AHR: variants seen among roughly 807,000 people sequenced by gnomAD.
The protein encoded by AHR is AH-receptor.
A neutral mutation model predicts 86.8 loss-of-function variants in AHR; 40 were observed. That is an observed-to-expected ratio of 0.46 (90% CI 0.36 to 0.60). The LOEUF (loss-of-function observed/expected upper bound fraction) is 0.60. Ranked by LOEUF, AHR falls within the 20% of genes least tolerant of loss-of-function variation. AHR has a pLI of 0.00. For missense variants in AHR, 1,001 were observed against 1,011.6 expected (o/e 0.99, Z 0.14); for synonymous variants, 398 against 354.9 (o/e 1.12, Z -1.37).
chr7:17,327,876 T>A (rs777896777), intron 4 of AHR, 28 bp downstream of exon 4: 4 of 999,976 alleles, frequency 4.0e-6, no homozygotes, highest in Non-Finnish European at 5.4e-6. Flanking sequence ...ATATCATTTA[T>A]ATTATTATAT....
chr7:17,337,600 A>G (rs1400885334), intron 9 of AHR, among the ~76,000 whole-genome samples: 4 of 148,276 alleles, frequency 2.7e-5, no homozygotes, highest in Admixed American at 1.4e-4. Context: ...TCAGCCTCCC[A>G]AGTAGCTGGG....
intron 1 of AHR, among the ~76,000 whole-genome samples, chr7:17,307,262 A>G (rs2115351590): frequency 6.6e-6 from 1 of 152,246 alleles, no homozygotes; most frequent in South Asian, 2.1e-4. Context: ...CATAATCATT[A>G]CTGGAAAGCC....
At chr7:17,309,513 C>T (rs944772107) in intron 1 of AHR, among the ~76,000 whole-genome samples, 7 of 152,084 alleles carry the variant, frequency 4.6e-5, no homozygotes, top group Admixed American at 3.3e-4. Context: ...TTATTGACAA[C>T]GTCAATGATG....
chr7:17,302,916 C>G (rs116722892), intron 1 of AHR, among the ~76,000 whole-genome samples: 1 of 151,956 alleles, frequency 6.6e-6, no homozygotes, highest in South Asian at 2.1e-4. Context: ...TCAATTCGCC[C>G]GTGAAACAGT....
rs768562789 is a variant in AHR at position 17,330,819 on chromosome 7, C to G, written c.638C>G (p.Ser213Cys). ...CCAGACCAGATTCCTCCAGAAAACT[C>G]TCCTTTAATGGAGAGGTGCTTCATA... ...YNPDQIPPENSPLMERCFICR... is the reference protein window; with the variant it reads ...YNPDQIPPENCPLMERCFICR... Residue 213 changes from serine to cysteine, a missense_variant, in exon 6 of 11, where the codon TCT becomes TGT. By Grantham distance (112) the Ser-to-Cys change is moderately radical. Transcript: ENST00000242057. The G allele has an allele frequency of 2.5e-6, 4 of 1,612,448 alleles. No homozygotes were observed. The highest frequency in any genetic ancestry group is 2.5e-6 in the Non-Finnish European group (3 of 1,178,838).
At chr7:17,324,921 CAT>C (rs1782212842) in intron 3 of AHR, among the ~76,000 whole-genome samples, 2 of 152,070 alleles carry the variant, frequency 1.3e-5, no homozygotes, top group Admixed American at 6.6e-5. Context: ...ATTTACTTCA[CAT>C]GTTTATTTCA....
chr7:17,311,162 A>G (rs181033167), intron 2 of AHR, among the ~76,000 whole-genome samples: 3 of 152,340 alleles, frequency 2.0e-5, no homozygotes, highest in Non-Finnish European at 4.4e-5. Flanking sequence ...ATCTGTCTAT[A>G]AGGCAGAAAT....
At chr7:17,327,678 T>G in intron 3 of AHR, 81 bp from the exon 4 acceptor site, 1 of 694,490 alleles carries the variant, frequency 1.4e-6, no homozygotes, top group Admixed American at 2.6e-5. Flanking sequence ...GAGAAGAATT[T>G]TCAGAGATAA....
intron 2 of AHR, among the ~76,000 whole-genome samples, chr7:17,315,829 T>TTA (rs1434160674): frequency 7.9e-5 from 12 of 152,078 alleles, no homozygotes; most frequent in Admixed American, 7.9e-4. Flanking sequence ...AATCTTGCTC[T>TTA]TACAGCCTTT....
intron 6 of AHR, among the ~76,000 whole-genome samples, chr7:17,332,476 G>A (rs1015821079): frequency 6.6e-6 from 1 of 151,776 alleles, no homozygotes; most frequent in East Asian, 1.9e-4. Flanking sequence ...AGAGGTGGAA[G>A]ATAGGATCAT....
rs1782393762 is a variant in AHR, at chr7:17,339,450, T to C, written c.1625T>C (p.Ile542Thr). Residue 542 changes from isoleucine (I) to threonine (T), a missense_variant, in exon 10 of 11, where the codon ATA (isoleucine) becomes ACA (threonine). Physicochemically the swap from Ile to Thr is moderately conservative, Grantham distance 89. This residue lies in a region of AHR where 607 missense variants were observed against 543.1 expected (regional missense o/e 1.12). Transcript: ENST00000242057. Reference protein sequence around the residue: ...QDSKNSDLYSIMKNLGIDFED... With the variant: ...QDSKNSDLYSTMKNLGIDFED... ...AGTAAAAACAGTGACTTGTACAGCA[T>C]AATGAAAAACCTAGGCATTGATTTT... The C allele has an allele frequency of 6.2e-7, 1 of 1,614,160 alleles. No individual in the cohort carries two copies. Among genetic ancestry groups the C allele is most frequent in the Non-Finnish European group, 8.5e-7 (1 of 1,180,024 alleles).
At position 17,330,881 on chromosome 7, in the gene AHR, T is replaced by A; in HGVS notation, c.700T>A (p.Phe234Ile). 1 of 1,611,496 alleles carries A rather than the reference T, an allele frequency of 6.2e-7. No homozygotes were observed. The highest frequency in any genetic ancestry group is 8.5e-7 in the Non-Finnish European group (1 of 1,178,352). Residue 234 changes from phenylalanine (F) to isoleucine (I), a missense_variant, in exon 6 of 11, where the codon TTT becomes ATT. By Grantham distance (21) the Phe-to-Ile change is conservative. Around this residue, in one of 2 missense-constraint regions of AHR, gnomAD observed 394 missense variants for 468.5 expected, o/e 0.84. Transcript: ENST00000242057. ...LRCLLDNSSGFLAMNFQGKLK... is the reference protein window; with the variant it reads ...LRCLLDNSSGILAMNFQGKLK... The stretch of plus-strand genomic sequence containing the variant: ...GTGTCTGCTGGATAATTCATCTGGT[T>A]TTCTGGTAAGGTACAAAATTTTATG...
At chr7:17,310,342 T>G (rs1335653238) in intron 2 of AHR, among the ~76,000 whole-genome samples, 2 of 152,130 alleles carry the variant, frequency 1.3e-5, no homozygotes, top group Non-Finnish European at 2.9e-5. Flanking sequence ...ATGCATGGTA[T>G]CATTCTTTGA....
chr7:17,333,342 AT>A (rs1254729415), intron 6 of AHR, among the ~76,000 whole-genome samples: 8 of 151,932 alleles, frequency 5.3e-5, no homozygotes, highest in African/African-American at 1.9e-4. Flanking sequence ...TAAATATATC[AT>A]GTTCATGTTT....
intron 2 of AHR, among the ~76,000 whole-genome samples, chr7:17,313,796 A>G (rs751337050): frequency 1.8e-4 from 27 of 152,240 alleles, no homozygotes; most frequent in East Asian, 9.6e-4. Context: ...TTAAATAACA[A>G]TGGTTACAAT....
chr7:17,302,034 A>G (rs989516822), intron 1 of AHR, among the ~76,000 whole-genome samples: 1 of 152,000 alleles, frequency 6.6e-6, no homozygotes, highest in Non-Finnish European at 1.5e-5. Flanking sequence ...TCTCATGAAG[A>G]TAGTCAAAAA....
Position 17,322,537 on chromosome 7 carries a change from G to T in AHR, c.290G>T (p.Gly97Val). The T allele has an allele frequency of 6.2e-7, 1 of 1,612,792 alleles. No individual in the cohort carries two copies. Among genetic ancestry groups the T allele is most frequent in the East Asian group, 2.2e-5 (1 of 44,824 alleles). The change falls in exon 3 of 11, where the codon GGC (glycine) becomes GTC (valine). Residue 97 changes from glycine (G) to valine (V), a missense_variant. By Grantham distance (109) the Gly-to-Val change is moderately radical. Coordinates refer to ENST00000242057, the MANE Select transcript of AHR (RefSeq NM_001621.5). Reference protein sequence around the residue: ...LKSSPTERNGGQDNCRAANFR... With the variant: ...LKSSPTERNGVQDNCRAANFR... Reference sequence around the variant, plus strand: ...TCCTCCCCTACTGAAAGAAACGGAGGCCAGGATAACTGTAGAGCAGCAAAT... The same window carrying T: ...TCCTCCCCTACTGAAAGAAACGGAGTCCAGGATAACTGTAGAGCAGCAAAT...
chr7:17,336,178 C>A (rs982433547), intron 9 of AHR: 8 of 156,842 alleles, frequency 5.1e-5, no homozygotes, highest in African/African-American at 1.9e-4. Context: ...ATTTGTATTG[C>A]AAATGTTTCC....
Position 17,339,917 on chromosome 7 carries a change from C to A in AHR, c.2092C>A (p.Gln698Lys). Reference protein sequence around the residue: ...KSEMDSMPYTQNFISCNQPVL... With the variant: ...KSEMDSMPYTKNFISCNQPVL... ...TGAAATGGATTCTATGCCTTATACA[C>A]AGAACTTTATTTCCTGTAATCAGCC... The change falls in exon 10 of 11, where the codon CAG (glutamine) becomes AAG (lysine). Residue 698 changes from glutamine (Q) to lysine (K), a missense_variant. Coordinates refer to ENST00000242057, the MANE Select transcript of AHR (RefSeq NM_001621.5). The A allele has an allele frequency of 2.5e-6, 4 of 1,614,154 alleles. No individual in the cohort carries two copies. The highest frequency in any genetic ancestry group is 3.4e-6 in the Non-Finnish European group (4 of 1,180,020).
Sources: allele counts gnomAD v4.1 joint callset (sites outside exome capture counted in the v4.1 genomes callset), GRCh38; gene constraint gnomAD v4.1.1; regional missense constraint gnomAD v4.1.1; transcripts MANE v1.5; gene names NCBI Gene and HGNC (gene_info 2026-07-23, HGNC 2026-07-21).